Variants in TET1 observed in about 807,000 individuals in gnomAD.
The protein encoded by TET1 is methylcytosine dioxygenase TET1.
Under a neutral mutation model 148.7 loss-of-function variants are expected in TET1, and 13 were observed. The observed-to-expected ratio is 0.09, with a 90% CI of 0.06 to 0.14. TET1 has a LOEUF of 0.14. Among genes scored for constraint, TET1 ranks in the 10% least tolerant of loss-of-function variants. The pLI is 1.00. For synonymous variants in TET1, 907 were observed against 937.2 expected (o/e 0.97, Z 0.59); for missense variants, 2,182 against 2,553.8 (o/e 0.85, Z 3.14).
chr10:68,676,262 ATATATATTTTTTTTTTTT>A (rs1365375255), intron 8 of TET1, among the ~76,000 whole-genome samples: 2 of 15,488 alleles, frequency 1.3e-4, no homozygotes, highest in Admixed American at 2.6e-3. Flanking sequence ...ATATATATAT[ATATATATTTTTTTTTTTT>A]TTTTTTTTTT....
chr10:68,572,096 C>T, intron 1 of TET1, 121 bp from the exon 2 acceptor site: 1 of 409,168 alleles, frequency 2.4e-6, no homozygotes, highest in East Asian at 4.3e-5. Flanking sequence ...CCAGCCTGGG[C>T]AACAGAATGA....
In TET1 at chr10:68,589,659, C is replaced by T. The variant is rs546745967; in HGVS notation, c.1915-11322C>T. On this transcript the variant is annotated intron_variant, in intron 2 of 11. Transcript: ENST00000373644. The stretch of plus-strand genomic sequence containing the variant: ...AAAATACTGTGCTCGGTTAATATCT[C>T]CAATTTTTTTTTTTTTTTTTTTTTT... Among the ~76,000 whole-genome samples, 761 of 132,574 alleles carry T rather than the reference C, an allele frequency of 5.7e-3. 4 individuals are homozygous for T. The highest frequency in any genetic ancestry group is 9.2e-3 in the Non-Finnish European group (569 of 62,006). The allele number at this position is 132,574 out of a possible 152,430, so 87.0% of individuals were successfully genotyped here. A position where few individuals can be genotyped will look rare whatever the true frequency, so the allele number is the denominator to read the frequency against.
Position 68,686,407 on chromosome 10 carries a change from G to A in TET1, c.5104G>A (p.Asp1702Asn). The change falls in exon 11 of 12, where the codon GAT becomes AAT. Residue 1702 changes from aspartate to asparagine, a missense_variant. Transcript: ENST00000373644. Reference sequence around the variant, plus strand: ...CCGCTCTTTGGGTGTTATTCCTCAAGATGAGCAGCTCCATGTGCTACCTCT... The same window carrying A: ...CCGCTCTTTGGGTGTTATTCCTCAAAATGAGCAGCTCCATGTGCTACCTCT... ...DNRSLGVIPQ[D>N]EQLHVLPLYK... 1 of 1,613,736 alleles carries A rather than the reference G, an allele frequency of 6.2e-7. No homozygotes were observed. The highest frequency in any genetic ancestry group is 8.5e-7 in the Non-Finnish European group (1 of 1,179,846).
rs549129771 is a variant in TET1, at chr10:68,583,950, C to T, written c.1914+9698C>T. On this transcript the variant is annotated intron_variant, in intron 2 of 11. Coordinates refer to ENST00000373644, the MANE Select transcript of TET1 (RefSeq NM_030625.3). ...TATATTAACTTCCAAAGCCCAAGCC[C>T]TGGATTAGGGGGTGCTAACAGCACA... Among the ~76,000 whole-genome samples, 6 of 152,068 alleles carry T rather than the reference C, an allele frequency of 3.9e-5. No homozygotes were observed. In the South Asian group the frequency reaches 1.2e-3, roughly 32 times the overall value.
chr10:68,573,234 C>T lies in TET1; in HGVS notation c.896C>T (p.Thr299Ile), dbSNP rs754861030. ...AAAAGTGAACATGATTGCTACCCCA[C>T]CTCCAGTCTTAATAAGGTTATACCT... ...PIKSEHDCYPTSSLNKVIPDL... is the reference protein window; with the variant it reads ...PIKSEHDCYPISSLNKVIPDL... Residue 299 changes from threonine to isoleucine, a missense_variant, in exon 2 of 12, where the codon ACC becomes ATC. Thr to Ile is a moderately conservative substitution (Grantham distance 89). Coordinates refer to ENST00000373644, the MANE Select transcript of TET1 (RefSeq NM_030625.3). 6.2e-7 allele frequency: 1 copy of T among 1,614,050 alleles called. No homozygotes were observed. The highest frequency in any genetic ancestry group is 1.7e-5 in the Admixed American group (1 of 60,002).
At chr10:68,608,442 AG>A (rs1296064317) in intron 3 of TET1, among the ~76,000 whole-genome samples, 1 of 147,604 alleles carries the variant, frequency 6.8e-6, no homozygotes, top group Non-Finnish European at 1.5e-5. Flanking sequence ...TCACCATCTT[AG>A]CCAGGCTGGT....
chr10:68,680,716 G>A (rs898211345), intron 8 of TET1, among the ~76,000 whole-genome samples: 1 of 152,210 alleles, frequency 6.6e-6, no homozygotes, highest in Non-Finnish European at 1.5e-5. Context: ...GATTTCTTGA[G>A]TGTTAATGGT....
chr10:68,598,225 C>A (rs1359150345), intron 2 of TET1, among the ~76,000 whole-genome samples: 1 of 152,086 alleles, frequency 6.6e-6, no homozygotes, highest in African/African-American at 2.4e-5. Context: ...CTCGTCTCCA[C>A]CAAAAAATAC....
chr10:68,623,117 T>C (rs1010553969), intron 3 of TET1, among the ~76,000 whole-genome samples: 5 of 152,190 alleles, frequency 3.3e-5, no homozygotes, highest in Non-Finnish European at 7.3e-5. Context: ...GGGAGATACT[T>C]GGAGACTATG....
At chr10:68,601,570 C>A (rs945168952) in intron 3 of TET1, among the ~76,000 whole-genome samples, 13 of 152,136 alleles carry the variant, frequency 8.5e-5, no homozygotes, top group Non-Finnish European at 1.9e-4. Context: ...TTTCATGAAG[C>A]CATAAGAATA....
intron 2 of TET1, among the ~76,000 whole-genome samples, chr10:68,596,588 C>T (rs2053991908): frequency 6.6e-6 from 1 of 152,170 alleles, no homozygotes; most frequent in African/African-American, 2.4e-5. Context: ...TGCACCTGGC[C>T]TCTGCTCAGA....
In TET1 at chr10:68,691,894, G is replaced by T; in HGVS notation, c.*80G>T. Reference sequence around the variant, plus strand: ...GCTGTTAAAAGAAAGTCATGTTGTCGTTTACTATCTTCATCTCACCCATTT... The same window carrying T: ...GCTGTTAAAAGAAAGTCATGTTGTCTTTTACTATCTTCATCTCACCCATTT... On this transcript the variant is annotated 3_prime_UTR_variant, in exon 12 of 12. Coordinates refer to ENST00000373644, the MANE Select transcript of TET1 (RefSeq NM_030625.3). The surrounding 1 kb of genome is among the most constrained non-coding windows in gnomAD (Gnocchi z 4.4). The T allele has an allele frequency of 6.8e-7, 1 of 1,465,690 alleles. No homozygotes were observed. Among genetic ancestry groups the T allele is most frequent in the South Asian group, 1.4e-5 (1 of 72,192 alleles). 90.8% of individuals were successfully genotyped at this position (1,465,690 alleles called of 1,614,324 possible).
Position 68,567,493 on chromosome 10 carries a change from C to T in TET1, c.-122-4724C>T, listed in dbSNP as rs142981187. ...ATTTTTAGTAGAGACAGGGTTTCTC[C>T]ATGTTGGTCACGCTGGTCTCAAACT... On this transcript the variant is annotated intron_variant, in intron 1 of 11. Transcript: ENST00000373644. Among the ~76,000 whole-genome samples, 38 of 152,144 alleles carry T rather than the reference C, an allele frequency of 2.5e-4. 1 individual carries two copies. In the East Asian group the frequency reaches 7.4e-3, roughly 30 times the overall value.
chr10:68,571,424 C>G (rs971507670), intron 1 of TET1, among the ~76,000 whole-genome samples: 1 of 152,052 alleles, frequency 6.6e-6, no homozygotes, highest in East Asian at 1.9e-4. Context: ...CTGCTTCAGC[C>G]TCCTGAGTAG....
chr10:68,578,242 A>AATTTT lies in TET1; in HGVS notation c.1914+4010_1914+4014dup, dbSNP rs546114291. On this transcript the variant is annotated intron_variant, in intron 2 of 11. Coordinates refer to ENST00000373644, the MANE Select transcript of TET1 (RefSeq NM_030625.3). ...ATAGCGACATAAACCTCTACACCAA[A>AATTTT]ATTTTATTTTATTTTATTTTATTTA... Among the ~76,000 whole-genome samples, 39 of 152,100 alleles carry AATTTT rather than the reference A, an allele frequency of 2.6e-4. 1 individual carries two copies. In the South Asian group the frequency reaches 4.2e-3, roughly 16 times the overall value.
At chr10:68,672,656 T>C (rs2055291811) in intron 7 of TET1, among the ~76,000 whole-genome samples, 1 of 152,086 alleles carries the variant, frequency 6.6e-6, no homozygotes, top group Non-Finnish European at 1.5e-5. Context: ...ATATTTCTGC[T>C]AAAAATTTGG....
At chr10:68,661,196 A>ATTTTTTTT (rs974912892) in intron 6 of TET1, among the ~76,000 whole-genome samples, 65 of 78,606 alleles carry the variant, frequency 8.3e-4, no homozygotes, top group African/African-American at 2.6e-3. Flanking sequence ...CGCCTGGCTA[A>ATTTTTTTT]TTTTTTTTTT....
chr10:68,602,811 AG>A (rs1360843314), intron 3 of TET1, among the ~76,000 whole-genome samples: 1 of 152,218 alleles, frequency 6.6e-6, no homozygotes, highest in Non-Finnish European at 1.5e-5. Context: ...ATATTCTAAA[AG>A]GAAAAAAAAT....
intron 8 of TET1, among the ~76,000 whole-genome samples, chr10:68,673,645 G>C (rs1373181408): frequency 6.6e-6 from 1 of 152,080 alleles, no homozygotes; most frequent in Non-Finnish European, 1.5e-5. Flanking sequence ...TAGGAACTAA[G>C]TATTCTAATG....
Sources: allele counts gnomAD v4.1 joint callset (sites outside exome capture counted in the v4.1 genomes callset), GRCh38; gene constraint gnomAD v4.1.1; non-coding constraint Gnocchi (gnomAD v3.1); transcripts MANE v1.5; gene names NCBI Gene and HGNC (gene_info 2026-07-23, HGNC 2026-07-21).